Variants in ATP8B2 observed in about 807,000 individuals in gnomAD.
The protein encoded by ATP8B2 is ATPase phospholipid transporting 8B2.
ATP8B2 carries 70 observed loss-of-function variants against 133.4 expected under a neutral mutation model. The ratio of observed to expected loss-of-function variants is 0.52; its 90% CI spans 0.43 to 0.64. ATP8B2 has a LOEUF of 0.64. ATP8B2 is among the 30% of genes least tolerant of loss of function. ATP8B2 has a pLI of 0.00. For synonymous variants in ATP8B2, 517 were observed against 589.5 expected (o/e 0.88, Z 1.78); for missense variants, 1,101 against 1,535.7 (o/e 0.72, Z 4.73).
chr1:154,345,150 C>A lies in ATP8B2; in HGVS notation c.2466C>A (p.Ile822=). 1 of 1,613,172 alleles carries A rather than the reference C, an allele frequency of 6.2e-7. No individual in the cohort carries two copies. The highest frequency in any genetic ancestry group is 1.1e-5 in the South Asian group (1 of 90,888). ...ACGGAGCCAATGATGTCAGCATGAT[C>A]AAAAGTGAGTGTGGGCTGTGCAGGT... The part of the protein sequence containing the change: ...IGDGANDVSM[I]KTAHIGVGIS... The change falls in exon 22 of 28, where the codon ATC becomes ATA. Residue 822 remains isoleucine, a synonymous_variant. Coordinates refer to ENST00000368489, the MANE Select transcript of ATP8B2 (RefSeq NM_001370597.1). This position sits in a 1 kb window ranked among gnomAD's most constrained non-coding sequence, Gnocchi z 5.6.
intron 12 of ATP8B2, 112 bp downstream of exon 12, chr1:154,337,656 C>G: frequency 6.2e-7 from 1 of 1,609,908 alleles, no homozygotes; most frequent in Non-Finnish European, 8.5e-7. Flanking sequence ...CCTCTTCTTC[C>G]TGTACTGTAA....
rs750429565 is a variant in ATP8B2, at chr1:154,345,072, G to A, written c.2388G>A (p.Gln796=). The change falls in exon 22 of 28, where the codon CAG becomes CAA. Residue 796 remains glutamine, a synonymous_variant. Transcript: ENST00000368489. This position sits in a 1 kb window ranked among gnomAD's most constrained non-coding sequence, Gnocchi z 5.6. The part of the protein sequence containing the change: ...CCRVTPLQKA[Q]VVELVKKYKK... ...GGGTGACCCCCTTGCAGAAGGCACAGGTGGTAGAACTGGTCAAGAAGTACA... is the reference window on the plus strand; with the variant it reads ...GGGTGACCCCCTTGCAGAAGGCACAAGTGGTAGAACTGGTCAAGAAGTACA... 44 of 1,614,086 alleles carry A rather than the reference G, an allele frequency of 2.7e-5. No homozygotes were observed. The highest frequency in any genetic ancestry group is 3.6e-5 in the Non-Finnish European group (43 of 1,180,044).
chr1:154,326,212 G>C (rs1265815593), intron 1 of ATP8B2, among the ~76,000 whole-genome samples: 2 of 152,142 alleles, frequency 1.3e-5, no homozygotes, highest in Admixed American at 6.5e-5. Flanking sequence ...CCTGAGTTCT[G>C]TCCTTGGTGA....
Position 154,331,353 on chromosome 1 carries a change from G to A in ATP8B2, c.304-91G>A. 2 of 1,392,230 alleles carry A rather than the reference G, an allele frequency of 1.4e-6. No individual in the cohort carries two copies. 86.2% of individuals were successfully genotyped at this position (1,392,230 alleles called of 1,614,324 possible). A position where few individuals can be genotyped will look rare whatever the true frequency, so the allele number is the denominator to read the frequency against. On this transcript the variant is annotated intron_variant, in intron 5 of 27. Transcript: ENST00000368489. The surrounding 1 kb of genome is among the most constrained non-coding windows in gnomAD (Gnocchi z 4.8). ...CTGGTTTGTGATGGGGTGTGTATGA[G>A]GCGTTAACCAGCATGCTCTGAGTTC...
At chr1:154,341,134 T>C (rs1171463109) in intron 13 of ATP8B2, 72 bp downstream of exon 13, 27 of 1,506,504 alleles carry the variant, frequency 1.8e-5, no homozygotes, top group Non-Finnish European at 2.3e-5. Context: ...GGCCCCACAG[T>C]TTCCTTAACA....
In ATP8B2 at chr1:154,346,306, C is replaced by A. The variant is rs750487371; in HGVS notation, c.2854C>A (p.Arg952=). 2.4e-5 allele frequency: 38 copies of A among 1,614,052 alleles called. No homozygotes were observed. Among genetic ancestry groups the A allele is most frequent in the Middle Eastern group, 1.6e-4 (1 of 6,084 alleles). The change falls in exon 25 of 28, where the codon CGG becomes AGG. Residue 952 remains arginine, a synonymous_variant. Transcript: ENST00000368489. This position sits in a 1 kb window ranked among gnomAD's most constrained non-coding sequence, Gnocchi z 4.5. ...PGQLNLLFNK[R]EFFICIAQGI... is the part of the protein sequence containing the mutation. ...CCAGCTGAACCTTCTCTTCAACAAG[C>A]GGGAGTTCTTCATCTGCATCGCCCA...
rs1259102065 is a variant in ATP8B2, at chr1:154,348,868, A to G, written c.3323A>G (p.Lys1108Arg). The change falls in exon 28 of 28, where the codon AAG becomes AGG. Residue 1108 changes from lysine (K) to arginine (R), a missense_variant. By Grantham distance (26) the Lys-to-Arg change is conservative. Coordinates refer to ENST00000368489, the MANE Select transcript of ATP8B2 (RefSeq NM_001370597.1). ...TVRYTQLVRK[K>R]QKAQHRCMRR... is the part of the protein sequence containing the mutation. ...CGCTACACACAGCTCGTGAGGAAGA[A>G]GCAGAAGGCCCAGCACCGCTGCATG... 5 of 1,608,976 alleles carry G rather than the reference A, an allele frequency of 3.1e-6. No individual in the cohort carries two copies. Among genetic ancestry groups the G allele is most frequent in the Non-Finnish European group, 4.3e-6 (5 of 1,176,388 alleles).
chr1:154,344,555 G>C lies in ATP8B2; in HGVS notation c.2141+55G>C. On this transcript the variant is annotated intron_variant, in intron 20 of 27. Coordinates refer to ENST00000368489, the MANE Select transcript of ATP8B2 (RefSeq NM_001370597.1). The surrounding 1 kb of genome is among the most constrained non-coding windows in gnomAD (Gnocchi z 4.1). ...TGTGCGTTGTGCCCAGGGCTCAGGT[G>C]GGGGTTTCTGGACCATTTAGACTTG... 1 of 1,612,992 alleles carries C rather than the reference G, an allele frequency of 6.2e-7. No homozygotes were observed. Among genetic ancestry groups the C allele is most frequent in the Non-Finnish European group, 8.5e-7 (1 of 1,179,190 alleles).
In ATP8B2 at chr1:154,348,458, C is replaced by T. The variant is rs375664161; in HGVS notation, c.3214C>T (p.Leu1072Phe). 407 of 1,613,880 alleles carry T rather than the reference C, an allele frequency of 2.5e-4. 1 individual carries two copies. Among genetic ancestry groups the T allele is most frequent in the Non-Finnish European group, 3.3e-4 (391 of 1,179,876 alleles). The change falls in exon 27 of 28, where the codon CTC (leucine) becomes TTC (phenylalanine). Residue 1072 changes from leucine (L) to phenylalanine (F), a missense_variant. Leu to Phe is a conservative substitution (Grantham distance 22). Transcript: ENST00000368489. ...AQPTVWLTIVLTTVVCIMPVV... is the reference protein window; with the variant it reads ...AQPTVWLTIVFTTVVCIMPVV... ...GCCCACGGTGTGGCTGACCATTGTGCTCACCACAGTCGTCTGCATCATGCC... is the reference window on the plus strand; with the variant it reads ...GCCCACGGTGTGGCTGACCATTGTGTTCACCACAGTCGTCTGCATCATGCC...
Position 154,342,433 on chromosome 1 carries a change from C to T in ATP8B2, c.1244-47C>T, listed in dbSNP as rs777630726. The T allele has an allele frequency of 3.5e-5, 55 of 1,588,376 alleles. No homozygotes were observed. In the East Asian group the frequency reaches 1.2e-3, roughly 34 times the overall value. On this transcript the variant is annotated intron_variant, in intron 13 of 27. Transcript: ENST00000368489. Reference sequence around the variant, plus strand: ...GGAGATGTTTTTCCATGCTCTGGAGCTCTCTGGCTCTGACATTGCTTCTTT... The same window carrying T: ...GGAGATGTTTTTCCATGCTCTGGAGTTCTCTGGCTCTGACATTGCTTCTTT...
intron 12 of ATP8B2, chr1:154,337,764 T>C: frequency 6.7e-7 from 1 of 1,485,428 alleles, no homozygotes; most frequent in Non-Finnish European, 8.9e-7. Flanking sequence ...AAATATTGAT[T>C]TATTCAGCAC....
chr1:154,328,999 CAAG>C lies in ATP8B2; in HGVS notation c.31+828_31+830del. Reference sequence around the variant, plus strand: ...CTCAAACCGGGATCATGACGGTCCCCAAGGAGATGCCCGAGAAGTGGGCCCGGG... The same window carrying C: ...CTCAAACCGGGATCATGACGGTCCCCGAGATGCCCGAGAAGTGGGCCCGGG... On this transcript the variant is annotated intron_variant, in intron 2 of 27. Coordinates refer to ENST00000368489, the MANE Select transcript of ATP8B2 (RefSeq NM_001370597.1). The surrounding 1 kb of genome is among the most constrained non-coding windows in gnomAD (Gnocchi z 4.6). 3.1e-6 allele frequency: 4 copies of C among 1,304,096 alleles called. No individual in the cohort carries two copies. Among genetic ancestry groups the C allele is most frequent in the Non-Finnish European group, 4.0e-6 (4 of 988,860 alleles). 80.8% of individuals were successfully genotyped at this position (1,304,096 alleles called of 1,614,324 possible). A position where few individuals can be genotyped will look rare whatever the true frequency, so the allele number is the denominator to read the frequency against.
chr1:154,332,303 G>A (rs1336976386), intron 8 of ATP8B2, among the ~76,000 whole-genome samples: 1 of 152,240 alleles, frequency 6.6e-6, no homozygotes, highest in African/African-American at 2.4e-5. Flanking sequence ...GGAGGCCAGT[G>A]TGGGAGGATT....
rs976804834 is a variant in ATP8B2 at position 154,334,047 on chromosome 1, T to G, written c.590-60T>G. 12 of 1,575,988 alleles carry G rather than the reference T, an allele frequency of 7.6e-6. No homozygotes were observed. The highest frequency in any genetic ancestry group is 1.7e-5 in the Admixed American group (1 of 57,538). On this transcript the variant is annotated intron_variant, in intron 9 of 27. Coordinates refer to ENST00000368489, the MANE Select transcript of ATP8B2 (RefSeq NM_001370597.1). This position sits in a 1 kb window ranked among gnomAD's most constrained non-coding sequence, Gnocchi z 4.6. ...TCAGCTCATTTTCTCTTTGTTTTATTGTCTTGTGGTTAGGCTGTAGACTGG... is the reference window on the plus strand; with the variant it reads ...TCAGCTCATTTTCTCTTTGTTTTATGGTCTTGTGGTTAGGCTGTAGACTGG...
chr1:154,330,604 C>A, intron 3 of ATP8B2, 150 bp downstream of exon 3: 1 of 851,534 alleles, frequency 1.2e-6, no homozygotes, highest in Non-Finnish European at 1.9e-6. Context: ...TGCTATCGTG[C>A]TGAATTTTTC....
In ATP8B2 at chr1:154,345,388, CCTT is replaced by C; in HGVS notation, c.2540_2542del (p.Phe847del). The stretch of plus-strand genomic sequence containing the variant: ...CAGGCTGTCTTGGCCTCCGATTACT[CCTT>C]CTCCCAGTTCAAGTTCCTGCAGCGC... On this transcript the variant is annotated inframe_deletion, in exon 23 of 28. Transcript: ENST00000368489. The surrounding 1 kb of genome is among the most constrained non-coding windows in gnomAD (Gnocchi z 5.6). 21 of 1,614,202 alleles carry C rather than the reference CCTT, an allele frequency of 1.3e-5. No individual in the cohort carries two copies. The highest frequency in any genetic ancestry group is 1.8e-5 in the Non-Finnish European group (21 of 1,180,038).
In ATP8B2 at chr1:154,340,906, A is replaced by G; in HGVS notation, c.1087A>G (p.Met363Val). The G allele has an allele frequency of 6.2e-7, 1 of 1,614,194 alleles. No homozygotes were observed. Among genetic ancestry groups the G allele is most frequent in the Non-Finnish European group, 8.5e-7 (1 of 1,180,032 alleles). The change falls in exon 13 of 28, where the codon ATG becomes GTG. Residue 363 changes from methionine (M) to valine (V), a missense_variant. Met to Val is a conservative substitution (Grantham distance 21). Transcript: ENST00000368489. This position sits in a 1 kb window ranked among gnomAD's most constrained non-coding sequence, Gnocchi z 4.0. ...HSYFINWDKKMFCMKKRTPAE... is the reference protein window; with the variant it reads ...HSYFINWDKKVFCMKKRTPAE... ...CTACTTCATCAACTGGGATAAGAAG[A>G]TGTTCTGCATGAAGAAGCGGACGCC...
rs760087782 is a variant in ATP8B2 at position 154,331,802 on chromosome 1, G to A, written c.438+124G>A. On this transcript the variant is annotated intron_variant, in intron 7 of 27. Coordinates refer to ENST00000368489, the MANE Select transcript of ATP8B2 (RefSeq NM_001370597.1). The surrounding 1 kb of genome is among the most constrained non-coding windows in gnomAD (Gnocchi z 4.8). Reference sequence around the variant, plus strand: ...GTGGCAGGAATCTTTCTCACACCAGGGGCTTCTGTGTCATGCTGATATGCC... The same window carrying A: ...GTGGCAGGAATCTTTCTCACACCAGAGGCTTCTGTGTCATGCTGATATGCC... 1 of 1,301,580 alleles carries A rather than the reference G, an allele frequency of 7.7e-7. No individual in the cohort carries two copies. Among genetic ancestry groups the A allele is most frequent in the Non-Finnish European group, 1.1e-6 (1 of 901,058 alleles). The allele number at this position is 1,301,580 out of a possible 1,614,324, so 80.6% of individuals were successfully genotyped here.
chr1:154,348,660 T>G (rs1686679021), intron 27 of ATP8B2, 122 bp downstream of exon 27: 2 of 1,447,834 alleles, frequency 1.4e-6, no homozygotes, highest in East Asian at 4.7e-5. Context: ...TTATCTGTTC[T>G]TCCTGGGGAC....
Sources: allele counts gnomAD v4.1 joint callset (sites outside exome capture counted in the v4.1 genomes callset), GRCh38; gene constraint gnomAD v4.1.1; non-coding constraint Gnocchi (gnomAD v3.1); transcripts MANE v1.5; gene names NCBI Gene and HGNC (gene_info 2026-07-23, HGNC 2026-07-21).